Variants in CASD1 observed in about 807,000 individuals in gnomAD.
CASD1 encodes N-acetylneuraminate (7)9-O-acetyltransferase.
In CASD1, 41 loss-of-function variants were observed where a neutral mutation model predicts 100.0. The ratio of observed to expected loss-of-function variants is 0.41; its 90% CI spans 0.32 to 0.53. The LOEUF is 0.53. Ranked by LOEUF, CASD1 falls within the 20% of genes least tolerant of loss-of-function variation. CASD1 has a pLI of 0.25. For synonymous variants in CASD1, 321 were observed against 315.6 expected (o/e 1.02, Z -0.18); for missense variants, 774 against 948.7 (o/e 0.82, Z 2.42).
rs759970502 is a variant in CASD1 at position 94,555,792 on chromosome 7, G to A, written c.*34G>A. 2 of 1,583,780 alleles carry A rather than the reference G, an allele frequency of 1.3e-6. No homozygotes were observed. Among genetic ancestry groups the A allele is most frequent in the Non-Finnish European group, 1.7e-6 (2 of 1,165,900 alleles). On this transcript the variant is annotated 3_prime_UTR_variant, in exon 18 of 18. Coordinates refer to ENST00000297273, the MANE Select transcript of CASD1 (RefSeq NM_022900.5). ...AATTCTAAAAAACCTAAACTCTTCA[G>A]GCTACCTTTGTGTGTCTCTAGAAGA...
intron 1 of CASD1, among the ~76,000 whole-genome samples, 162 bp downstream of exon 1, chr7:94,510,379 C>T (rs1456630402): frequency 6.6e-6 from 1 of 152,132 alleles, no homozygotes; most frequent in Non-Finnish European, 1.5e-5. Flanking sequence ...GGCCGGCGCC[C>T]GAGGCCAACT....
At chr7:94,616,448 A>T in the CASD1 span, among the ~76,000 whole-genome samples, 1 of 152,206 alleles carries the variant, frequency 6.6e-6, no homozygotes, top group Admixed American at 6.5e-5. Flanking sequence ...ATATATTTTT[A>T]AACAAAAATT....
chr7:94,518,640 TGTTA>T (rs1794092501), intron 3 of CASD1, among the ~76,000 whole-genome samples: 1 of 152,152 alleles, frequency 6.6e-6, no homozygotes. Context: ...CTTATTCTCC[TGTTA>T]GTATTTTTCC....
the CASD1 span, chr7:94,629,788 C>A: frequency 6.2e-7 from 1 of 1,610,884 alleles, no homozygotes; most frequent in African/African-American, 1.3e-5. Flanking sequence ...AAGAGGACAC[C>A]TGCTGATGGG....
chr7:94,605,438 A>G, the CASD1 span, among the ~76,000 whole-genome samples: 13 of 152,186 alleles, frequency 8.5e-5, no homozygotes, highest in Non-Finnish European at 1.9e-4. Context: ...GCAACAATCT[A>G]TTCACCATAT....
chr7:94,623,478 A>C, the CASD1 span: 4 of 891,252 alleles, frequency 4.5e-6, no homozygotes, highest in Non-Finnish European at 7.3e-6. Context: ...AATGAAAACA[A>C]ATTGTCATTC....
At chr7:94,546,898 A>G (rs1795707606) in intron 12 of CASD1, among the ~76,000 whole-genome samples, 198 bp from the exon 13 acceptor site, 2 of 151,828 alleles carry the variant, frequency 1.3e-5, no homozygotes, top group Admixed American at 1.3e-4. Context: ...TTATAGCCTC[A>G]TGCCTAGCAA....
chr7:94,550,660 G>T (rs530861128), intron 14 of CASD1, among the ~76,000 whole-genome samples: 1 of 152,050 alleles, frequency 6.6e-6, no homozygotes, highest in Admixed American at 6.6e-5. Context: ...GTGCTGCAAG[G>T]GTCAAGGGTG....
the CASD1 span, among the ~76,000 whole-genome samples, chr7:94,606,331 T>G: frequency 1.3e-5 from 2 of 152,194 alleles, no homozygotes; most frequent in Non-Finnish European, 2.9e-5. Context: ...GGAGCTATAT[T>G]AATTTCAGAC....
At chr7:94,559,308 G>GTGTGTGTGTGTGTGTA (rs1554417424), downstream of CASD1, among the ~76,000 whole-genome samples, 393 of 123,714 alleles carry the variant, frequency 3.2e-3, 1 homozygote, top group East Asian at 9.2e-3. Flanking sequence ...GTGTGTGTAT[G>GTGTGTGTGTGTGTGTA]TGTGTGTGTG....
the CASD1 span, chr7:94,598,675 TATAAAC>T: frequency 1.1e-6 from 1 of 882,578 alleles, no homozygotes; most frequent in Non-Finnish European, 1.9e-6. Flanking sequence ...CTCTTCCAGT[TATAAAC>T]AAACAAACAC....
At chr7:94,592,621 C>CT in the CASD1 span, among the ~76,000 whole-genome samples, 1 of 152,102 alleles carries the variant, frequency 6.6e-6, no homozygotes, top group Admixed American at 6.6e-5. Flanking sequence ...AAACTTCATT[C>CT]TTTAAGAATG....
the CASD1 span, among the ~76,000 whole-genome samples, chr7:94,564,187 G>A: frequency 6.6e-6 from 1 of 152,174 alleles, no homozygotes; most frequent in Non-Finnish European, 1.5e-5. Context: ...TAAGCCAGTA[G>A]ACATGTACCT....
chr7:94,547,716 A>T (rs1795748336), intron 13 of CASD1, among the ~76,000 whole-genome samples: 1 of 151,652 alleles, frequency 6.6e-6, no homozygotes, highest in South Asian at 2.1e-4. Context: ...CTGTTATTTT[A>T]ACAGGATGGC....
At chr7:94,528,349 T>C in intron 5 of CASD1, 99 bp downstream of exon 5, 1 of 801,060 alleles carries the variant, frequency 1.2e-6, no homozygotes, top group Non-Finnish European at 1.9e-6. Flanking sequence ...CACTCTCCTA[T>C]ATTTTATACC....
intron 3 of CASD1, among the ~76,000 whole-genome samples, chr7:94,525,899 T>G (rs1355922231): frequency 6.6e-6 from 1 of 152,220 alleles, no homozygotes; most frequent in East Asian, 1.9e-4. Flanking sequence ...AGCTTTGATT[T>G]TAGCAACAGA....
At chr7:94,527,633 C>T (rs999457400) in intron 4 of CASD1, among the ~76,000 whole-genome samples, 1 of 152,130 alleles carries the variant, frequency 6.6e-6, no homozygotes, top group Non-Finnish European at 1.5e-5. Context: ...AGTCATTTTC[C>T]TCCATGCAGA....
chr7:94,514,557 C>T (rs1392633788), intron 1 of CASD1, among the ~76,000 whole-genome samples: 1 of 151,970 alleles, frequency 6.6e-6, no homozygotes, highest in African/African-American at 2.4e-5. Context: ...CAGATGTTTC[C>T]TTTAGTTGTT....
At chr7:94,557,685 T>TAA (rs1328031547), downstream of CASD1, among the ~76,000 whole-genome samples, 1 of 152,004 alleles carries the variant, frequency 6.6e-6, no homozygotes, top group Non-Finnish European at 1.5e-5. Flanking sequence ...GCCTAAAACT[T>TAA]ACCTGGTGAG....
Sources: allele counts gnomAD v4.1 joint callset (sites outside exome capture counted in the v4.1 genomes callset), GRCh38; gene constraint gnomAD v4.1.1; transcripts MANE v1.5; gene names NCBI Gene and HGNC (gene_info 2026-07-23, HGNC 2026-07-21).